Variants in GAREM1 observed in about 807,000 individuals in gnomAD.
The protein encoded by GAREM1 is GRB2-associated and regulator of MAPK protein 1.
Under a neutral mutation model 71.3 loss-of-function variants are expected in GAREM1, and 26 were observed. The observed-to-expected ratio is 0.36, with a 90% CI of 0.27 to 0.51. GAREM1 has a LOEUF of 0.51. Ranked by LOEUF, GAREM1 falls within the 20% of genes least tolerant of loss-of-function variation. GAREM1 has a pLI of 0.95. For synonymous variants in GAREM1, 440 were observed against 433.2 expected (o/e 1.02, Z -0.20); for missense variants, 1,026 against 1,103.1 (o/e 0.93, Z 0.99).
At chr18:32,399,714 G>A (rs967943478) in intron 1 of GAREM1, among the ~76,000 whole-genome samples, 5 of 152,112 alleles carry the variant, frequency 3.3e-5, no homozygotes, top group South Asian at 2.1e-4. Flanking sequence ...TCATGGATAG[G>A]AAGAATCAAT....
rs377314693 is a variant in GAREM1 at position 32,278,244 on chromosome 18, T to C, written c.1567-7861A>G. Among the ~76,000 whole-genome samples the C allele has an allele frequency of 1.4e-4, 21 of 152,312 alleles. No homozygotes were observed. In the East Asian group the frequency reaches 3.9e-3, roughly 28 times the overall value. The stretch of plus-strand genomic sequence containing the variant: ...TGCTCAACTCTTACATACAAGATGA[T>C]GGATCTAGGGACATCTGCTGACAGG... On this transcript the variant is annotated intron_variant, in intron 4 of 5. Transcript: ENST00000269209.
At position 32,463,315 on chromosome 18, in the gene GAREM1, C is replaced by T. The variant is rs72639477; in HGVS notation, c.121+6993G>A. On this transcript the variant is annotated intron_variant, in intron 1 of 5. Transcript: ENST00000269209. ...TCCTTTCTAAATGGATATTACAGTA[C>T]TGTTCTCTGGAAAAAAAAATAAAAA... Among the ~76,000 whole-genome samples, 4,559 of 141,126 alleles carry T rather than the reference C, an allele frequency of 0.032. 411 individuals are homozygous for T. The East Asian group carries it at 0.35, about 11-fold the overall frequency. The allele number at this position is 141,126 out of a possible 152,430, so 92.6% of individuals were successfully genotyped here.
intron 5 of GAREM1, among the ~76,000 whole-genome samples, chr18:32,269,336 A>T (rs1432159332): frequency 6.6e-6 from 1 of 152,234 alleles, no homozygotes; most frequent in Admixed American, 6.5e-5. Flanking sequence ...AGAGAACAAA[A>T]AGTACCTGCA....
intron 1 of GAREM1, among the ~76,000 whole-genome samples, chr18:32,422,921 G>A (rs555295582): frequency 2.6e-5 from 4 of 152,218 alleles, no homozygotes; most frequent in East Asian, 1.9e-4. Flanking sequence ...AGTCAGTGGC[G>A]ACAGCAAGAC....
intron 1 of GAREM1, among the ~76,000 whole-genome samples, chr18:32,466,437 T>C (rs376541006): frequency 6.6e-6 from 1 of 152,216 alleles, no homozygotes; most frequent in Non-Finnish European, 1.5e-5. Context: ...ATATGAATAG[T>C]TACAATATGC....
chr18:32,416,904 A>G (rs144458068), intron 1 of GAREM1, among the ~76,000 whole-genome samples: 41 of 152,332 alleles, frequency 2.7e-4, no homozygotes, highest in African/African-American at 9.9e-4. Context: ...TTTGCACAGC[A>G]AAGAAAAGAA....
chr18:32,411,571 T>A (rs1401231253), intron 1 of GAREM1, among the ~76,000 whole-genome samples: 1 of 152,158 alleles, frequency 6.6e-6, no homozygotes, highest in African/African-American at 2.4e-5. Flanking sequence ...TTCATTCCCA[T>A]CTATAATTTT....
chr18:32,310,332 C>T lies in GAREM1; in HGVS notation c.263-9G>A. The stretch of plus-strand genomic sequence containing the variant: ...CAGCAGCTTGAATTGCCCTAAAACA[C>T]AGGATAAACAGAAGAGATCTAAGAT... On this transcript the variant is annotated splice_polypyrimidine_tract_variant and intron_variant, in intron 2 of 5. Transcript: ENST00000269209. The T allele has an allele frequency of 1.2e-6, 2 of 1,613,814 alleles. No individual in the cohort carries two copies. Among genetic ancestry groups the T allele is most frequent in the East Asian group, 2.2e-5 (1 of 44,866 alleles).
At chr18:32,387,660 A>C (rs2048161515) in intron 2 of GAREM1, among the ~76,000 whole-genome samples, 1 of 152,188 alleles carries the variant, frequency 6.6e-6, no homozygotes, top group African/African-American at 2.4e-5. Context: ...TTTGTCTAAA[A>C]CTTATTTTGC....
At chr18:32,313,134 A>G (rs528450713) in intron 2 of GAREM1, among the ~76,000 whole-genome samples, 1 of 152,346 alleles carries the variant, frequency 6.6e-6, no homozygotes, top group Admixed American at 6.5e-5. Flanking sequence ...CCAGAGATTC[A>G]GATTCAGCCA....
chr18:32,372,016 A>C (rs998672517), intron 2 of GAREM1, among the ~76,000 whole-genome samples: 4 of 152,218 alleles, frequency 2.6e-5, no homozygotes, highest in Admixed American at 6.5e-5. Flanking sequence ...ATGAGAGGTA[A>C]GAGGTAAGGA....
chr18:32,279,468 G>A (rs1302713841), intron 4 of GAREM1, among the ~76,000 whole-genome samples: 1 of 152,114 alleles, frequency 6.6e-6, no homozygotes, highest in Non-Finnish European at 1.5e-5. Flanking sequence ...ATCTTTGCAC[G>A]TTCCTTATGA....
At chr18:32,342,217 T>C (rs2047654240) in intron 2 of GAREM1, among the ~76,000 whole-genome samples, 1 of 152,080 alleles carries the variant, frequency 6.6e-6, no homozygotes, top group African/African-American at 2.4e-5. Flanking sequence ...GGCGCAGAGG[T>C]TAAGCATCTT....
chr18:32,363,710 T>G (rs116819400), intron 2 of GAREM1, among the ~76,000 whole-genome samples: 198 of 152,046 alleles, frequency 1.3e-3, no homozygotes, highest in African/African-American at 4.7e-3. Flanking sequence ...TGGAACACTG[T>G]GAACTTTTTG....
chr18:32,394,272 T>C (rs1225476437), intron 1 of GAREM1, among the ~76,000 whole-genome samples: 1 of 151,964 alleles, frequency 6.6e-6, no homozygotes. Context: ...TGTGGTGGCA[T>C]ATATCTGTAG....
intron 2 of GAREM1, among the ~76,000 whole-genome samples, chr18:32,375,274 T>G (rs1295601253): frequency 6.6e-6 from 1 of 152,114 alleles, no homozygotes; most frequent in Non-Finnish European, 1.5e-5. Context: ...AGCACTAGAA[T>G]CTACCGATTC....
intron 2 of GAREM1, among the ~76,000 whole-genome samples, chr18:32,322,473 C>G (rs924485151): frequency 5.9e-5 from 9 of 151,554 alleles, no homozygotes; most frequent in African/African-American, 9.8e-5. Flanking sequence ...TCACTTATTA[C>G]CTAAACTATA....
chr18:32,399,033 T>A (rs928072133), intron 1 of GAREM1, among the ~76,000 whole-genome samples: 2 of 152,292 alleles, frequency 1.3e-5, no homozygotes, highest in South Asian at 2.1e-4. Context: ...AATCAATAAA[T>A]GTAATCCAGC....
At chr18:32,279,752 T>C (rs668567) in intron 4 of GAREM1, among the ~76,000 whole-genome samples, 41,232 of 152,102 alleles carry the variant, frequency 0.27, 5,920 homozygotes, top group African/African-American at 0.36. Flanking sequence ...TTCATGAAAC[T>C]GGTCCCTGGT....
Sources: gnomAD v4.1 joint callset for allele counts (sites outside exome capture counted in the v4.1 genomes callset) on GRCh38, gnomAD v4.1.1 for gene constraint, MANE v1.5 for transcripts, NCBI Gene and HGNC (gene_info 2026-07-23, HGNC 2026-07-21) for gene names.